The following ADGRE2 variants were observed in gnomAD, a reference collection of about 807,000 sequenced individuals.
ADGRE2 encodes the protein CD97 antigen.
In ADGRE2, 83 loss-of-function variants were observed where a neutral mutation model predicts 100.8. That is an observed-to-expected ratio of 0.82 (90% CI 0.69 to 0.99). The LOEUF is 0.99. ADGRE2 is among the 50% of genes least tolerant of loss of function. The probability of loss-of-function intolerance (pLI) is 0.00; values close to 1 mark genes in which losing one functional copy is unlikely to be tolerated. For missense variants in ADGRE2, 814 were observed against 1,035.7 expected (o/e 0.79, Z 2.94); for synonymous variants, 355 against 413.0 (o/e 0.86, Z 1.70).
At chr19:14,772,218 C>G (rs894517949) in intron 5 of ADGRE2, 124 bp downstream of exon 5, 1 of 1,363,782 alleles carries the variant, frequency 7.3e-7, no homozygotes, top group South Asian at 1.3e-5. Context: ...GCACACCTGT[C>G]TCATCTCAGA....
chr19:14,743,100 A>AATTTTT (rs1229001120), intron 20 of ADGRE2, among the ~76,000 whole-genome samples: 7 of 151,782 alleles, frequency 4.6e-5, no homozygotes, highest in African/African-American at 1.7e-4. Context: ...ATGTCTGGCT[A>AATTTTT]ATTTTTATTT....
At chr19:14,777,699 G>C (rs771154047) in intron 1 of ADGRE2, among the ~76,000 whole-genome samples, 1 of 148,764 alleles carries the variant, frequency 6.7e-6, no homozygotes, top group African/African-American at 2.5e-5. Flanking sequence ...CTGTGTCCAG[G>C]TGTTCTCATT....
Position 14,773,407 on chromosome 19 carries a change from C to CTT in ADGRE2, c.199+529_199+530dup, listed in dbSNP as rs368475089. ...TCTTTCTCTCCTTCTCTCTTTCTGTCTTTTTTTTTTTTTTTTGAGATGGGG... is the reference window on the plus strand; with the variant it reads ...TCTTTCTCTCCTTCTCTCTTTCTGTCTTTTTTTTTTTTTTTTTTGAGATGGGG... On this transcript the variant is annotated intron_variant, in intron 4 of 20. Coordinates refer to ENST00000315576, the MANE Select transcript of ADGRE2 (RefSeq NM_013447.4). Among the ~76,000 whole-genome samples, 154 of 111,542 alleles carry CTT rather than the reference C, an allele frequency of 1.4e-3. 1 individual carries two copies. Among genetic ancestry groups the CTT allele is most frequent in the South Asian group, 4.2e-3 (14 of 3,300 alleles). The allele number at this position is 111,542 out of a possible 152,430, so 73.2% of individuals were successfully genotyped here.
At chr19:14,758,285 C>A (rs967774924) in intron 11 of ADGRE2, among the ~76,000 whole-genome samples, 1 of 152,188 alleles carries the variant, frequency 6.6e-6, no homozygotes, top group Non-Finnish European at 1.5e-5. Flanking sequence ...AGATGATCTA[C>A]TATCAGAATG....
chr19:14,751,925 ATATATATTT>A (rs1173742991), intron 15 of ADGRE2, among the ~76,000 whole-genome samples: 2 of 62,426 alleles, frequency 3.2e-5, no homozygotes, highest in African/African-American at 8.4e-5. Context: ...ATATATATAT[ATATATATTT>A]TTTTTTTTTT....
rs764868326 is a variant in ADGRE2, at chr19:14,755,088, C to T, written c.1456G>A (p.Glu486Lys). Residue 486 changes from glutamate to lysine, a missense_variant, in exon 14 of 21, where the codon GAG (glutamate) becomes AAG (lysine). Around this residue, in one of 5 missense-constraint regions of ADGRE2, gnomAD observed 569 missense variants for 692.7 expected, o/e 0.82. Transcript: ENST00000315576. ...PRQKVLCVFWEHGQNGCGHWA... is the reference protein window; with the variant it reads ...PRQKVLCVFWKHGQNGCGHWA... The stretch of plus-strand genomic sequence containing the variant: ...TGACCACATCCATTCTGGCCATGCT[C>T]CCAGAAGACACAGAGCACCTTCTGT... The T allele has an allele frequency of 1.1e-5, 17 of 1,613,790 alleles. No homozygotes were observed. In the Admixed American group the frequency reaches 1.5e-4, roughly 14 times the overall value.
At chr19:14,764,682 C>T in intron 10 of ADGRE2, 72 bp from the exon 11 acceptor site, 2 of 1,448,250 alleles carry the variant, frequency 1.4e-6, no homozygotes, top group Non-Finnish European at 1.9e-6. Context: ...AACCGCTCAG[C>T]CCCAGGGAAC....
In ADGRE2 at chr19:14,738,211, A is replaced by T. The variant is rs544977124; in HGVS notation, c.2464-1967T>A. ...ATTATGGATCAATTAAAAAACATTT[A>T]AAAAGATCTATCTGTTTCCAAATGT... is the stretch of plus-strand genomic sequence containing the variant. On this transcript the variant is annotated intron_variant, in intron 20 of 20. Coordinates refer to ENST00000315576, the MANE Select transcript of ADGRE2 (RefSeq NM_013447.4). 1.6e-4 allele frequency among the ~76,000 whole-genome samples: 25 copies of T among 152,290 alleles called. No homozygotes were observed. The South Asian group carries it at 5.0e-3, about 30-fold the overall frequency.
chr19:14,755,818 G>T lies in ADGRE2; in HGVS notation c.1252C>A (p.Pro418Thr), dbSNP rs1409651933. The T allele has an allele frequency of 6.2e-7, 1 of 1,614,166 alleles. No individual in the cohort carries two copies. Among genetic ancestry groups the T allele is most frequent in the Non-Finnish European group, 8.5e-7 (1 of 1,180,038 alleles). ...PGMGKLLAEA[P>T]LVLEPEKQML... Reference sequence around the variant, plus strand: ...TGCTTCTCAGGTTCCAGGACCAGAGGGGCCTCAGCCAGCAACTTGCCCATC... The same window carrying T: ...TGCTTCTCAGGTTCCAGGACCAGAGTGGCCTCAGCCAGCAACTTGCCCATC... Residue 418 changes from proline to threonine, a missense_variant, in exon 13 of 21, where the codon CCT (proline) becomes ACT (threonine). Pro to Thr is a conservative substitution (Grantham distance 38, BLOSUM62 -1). Around this residue, in one of 5 missense-constraint regions of ADGRE2, gnomAD observed 569 missense variants for 692.7 expected, o/e 0.82. Coordinates refer to ENST00000315576, the MANE Select transcript of ADGRE2 (RefSeq NM_013447.4).
rs764173202 is a variant in ADGRE2 at position 14,755,869 on chromosome 19, C to T, written c.1201G>A (p.Val401Met). 4.3e-6 allele frequency: 7 copies of T among 1,613,766 alleles called. No individual in the cohort carries two copies. Among genetic ancestry groups the T allele is most frequent in the Non-Finnish European group, 4.2e-6 (5 of 1,179,938 alleles). ...AQKSGDPGPS[V>M]VGLVSIPGMG... Reference sequence around the variant, plus strand: ...CCTGGAATGGAGACAAGGCCCACCACAGAAGGGCCTGCAGGGCGAGGCCAA... The same window carrying T: ...CCTGGAATGGAGACAAGGCCCACCATAGAAGGGCCTGCAGGGCGAGGCCAA... The change falls in exon 13 of 21, where the codon GTG becomes ATG. Residue 401 changes from valine to methionine, a missense_variant. Physicochemically the swap from Val to Met is conservative, Grantham distance 21 (BLOSUM62 1). This residue lies in a region of ADGRE2 where 569 missense variants were observed against 692.7 expected (regional missense o/e 0.82). Transcript: ENST00000315576.
At chr19:14,739,110 C>T (rs916515206) in intron 20 of ADGRE2, among the ~76,000 whole-genome samples, 5 of 151,790 alleles carry the variant, frequency 3.3e-5, no homozygotes, top group Non-Finnish European at 7.4e-5. Flanking sequence ...GCTGGAATTA[C>T]AAGCATCCAC....
Position 14,764,628 on chromosome 19 carries a change from C to T in ADGRE2, c.907-18G>A, listed in dbSNP as rs931868165. 2 of 1,603,324 alleles carry T rather than the reference C, an allele frequency of 1.2e-6. No homozygotes were observed. Among genetic ancestry groups the T allele is most frequent in the South Asian group, 1.1e-5 (1 of 90,116 alleles). ...AAGATGCTCTGGAGGGATGTGGACA[C>T]AGACCTAGTGAGCCATGGGCCAGAG... On this transcript the variant is annotated intron_variant, in intron 10 of 20. Transcript: ENST00000315576.
At chr19:14,770,710 T>C (rs145251808) in intron 5 of ADGRE2, among the ~76,000 whole-genome samples, 2,852 of 126,234 alleles carry the variant, frequency 0.023, 151 homozygotes, top group African/African-American at 0.085. Context: ...GACAAAGTCT[T>C]GCTCTGTCAC....
chr19:14,753,145 T>C (rs1264120908), intron 14 of ADGRE2, among the ~76,000 whole-genome samples: 2 of 151,938 alleles, frequency 1.3e-5, no homozygotes, highest in Admixed American at 6.6e-5. Flanking sequence ...TGGGCTCAAG[T>C]GATCCTCCCG....
At chr19:14,740,473 T>G (rs906482973) in intron 20 of ADGRE2, among the ~76,000 whole-genome samples, 1 of 151,666 alleles carries the variant, frequency 6.6e-6, no homozygotes, top group Non-Finnish European at 1.5e-5. Flanking sequence ...AATACAAAAT[T>G]AGCCAGGCTT....
intron 4 of ADGRE2, among the ~76,000 whole-genome samples, chr19:14,773,099 C>CAAAAAAAAAAAAAAAAAAAAA (rs1231448957): frequency 6.9e-5 from 5 of 72,094 alleles, no homozygotes; most frequent in East Asian, 3.9e-4. Context: ...AAAAAAAAAA[C>CAAAAAAAAAAAAAAAAAAAAA]AAAAAAAAAA....
At chr19:14,760,535 C>T (rs56219339) in intron 11 of ADGRE2, among the ~76,000 whole-genome samples, 3,857 of 152,114 alleles carry the variant, frequency 0.025, 165 homozygotes, top group African/African-American at 0.088. Flanking sequence ...TTAGTATATA[C>T]CCCAAAGAAC....
chr19:14,744,733 G>A (rs1464934592), intron 18 of ADGRE2, among the ~76,000 whole-genome samples: 1 of 152,048 alleles, frequency 6.6e-6, no homozygotes, highest in African/African-American at 2.4e-5. Context: ...AGGATTACAG[G>A]CGTGAGCCAC....
chr19:14,770,751 C>T (rs985437359), intron 5 of ADGRE2, among the ~76,000 whole-genome samples: 1 of 135,396 alleles, frequency 7.4e-6, no homozygotes, highest in Non-Finnish European at 1.5e-5. Context: ...GAGATCCTGG[C>T]TCACTGCAAC....
Sources: allele counts gnomAD v4.1 joint callset (sites outside exome capture counted in the v4.1 genomes callset), GRCh38; gene constraint gnomAD v4.1.1; regional missense constraint gnomAD v4.1.1; transcripts MANE v1.5; gene names NCBI Gene and HGNC (gene_info 2026-07-23, HGNC 2026-07-21).